Variants in LECT2 observed in about 807,000 individuals in gnomAD.
The protein encoded by LECT2 is leukocyte cell derived chemotaxin 2.
A neutral mutation model predicts 16.6 loss-of-function variants in LECT2; 11 were observed. That is an observed-to-expected ratio of 0.66 (90% CI 0.42 to 1.09). The LOEUF (loss-of-function observed/expected upper bound fraction) is 1.09, where lower values mean the gene tolerates loss of function less well. Ranked by LOEUF, LECT2 falls within the 50% of genes least tolerant of loss-of-function variation. LECT2 has a pLI of 0.00. For synonymous variants in LECT2, 54 were observed against 64.8 expected, an observed-to-expected ratio of 0.83 and a Z score of 0.80; for missense variants, 173 against 184.2, an observed-to-expected ratio of 0.94 and a Z score of 0.35.
intron 2 of LECT2, 24 bp from the exon 3 acceptor site, chr5:135,951,392 A>T (rs1320133258): frequency 1.2e-6 from 2 of 1,607,360 alleles, no homozygotes; most frequent in Non-Finnish European, 1.7e-6. Context: ...AAGAACGAAC[A>T]GACTGAGGAA....
chr5:135,949,565 A>G (rs2126875857), intron 3 of LECT2, among the ~76,000 whole-genome samples: 1 of 152,320 alleles, frequency 6.6e-6, no homozygotes, highest in African/African-American at 2.4e-5. Flanking sequence ...TGAAGAGCCT[A>G]ATTATTTCTT....
At chr5:135,951,985 G>A (rs1228725671) in intron 2 of LECT2, among the ~76,000 whole-genome samples, 1 of 152,140 alleles carries the variant, frequency 6.6e-6, no homozygotes, top group East Asian at 1.9e-4. Flanking sequence ...GCTCTCACCA[G>A]CCTCCCCTAC....
In LECT2 at chr5:135,952,369, T is replaced by A. The variant is rs78663866; in HGVS notation, c.143+502A>T. 8.3e-3 allele frequency among the ~76,000 whole-genome samples: 1,268 copies of A among 152,244 alleles called. 15 individuals are homozygous for A. Among genetic ancestry groups the A allele is most frequent in the African/African-American group, 0.028 (1,147 of 41,540 alleles). On this transcript the variant is annotated intron_variant, in intron 2 of 3. Coordinates refer to ENST00000274507, the MANE Select transcript of LECT2 (RefSeq NM_002302.3). ...GACCCTCATTTTCTGGAAGAGATAGTGGTGCTTTCTCTCCTGCTTAGGGCC... is the reference window on the plus strand; with the variant it reads ...GACCCTCATTTTCTGGAAGAGATAGAGGTGCTTTCTCTCCTGCTTAGGGCC...
At position 135,954,885 on chromosome 5, in the gene LECT2, CTCTT is replaced by C. The variant is rs1357265748; in HGVS notation, c.-56_-53del. ...CTCTGATTAGAGTTGCCCCCACACT[CTCTT>C]TGAAGAATATTCAAGTTTGAATGAA... On this transcript the variant is annotated 5_prime_UTR_variant, in exon 1 of 4. Transcript: ENST00000274507. 7.7e-7 allele frequency: 1 copy of C among 1,299,856 alleles called. No individual in the cohort carries two copies. The highest frequency in any genetic ancestry group is 2.3e-5 in the East Asian group (1 of 43,366). The allele number at this position is 1,299,856 out of a possible 1,614,324, so 80.5% of individuals were successfully genotyped here.
rs151159380 is a variant in LECT2 at position 135,952,810 on chromosome 5, G to A, written c.143+61C>T. 2,053 of 1,231,836 alleles carry A rather than the reference G, an allele frequency of 1.7e-3. 33 individuals are homozygous for A. The African/African-American group carries it at 0.027, about 16-fold the overall frequency. 76.3% of individuals were successfully genotyped at this position (1,231,836 alleles called of 1,614,324 possible). On this transcript the variant is annotated intron_variant, in intron 2 of 3. Transcript: ENST00000274507. ...CCTTGAGGCAACCAACGTTGGGCAA[G>A]GACACTAAGAAAAGAGGTTAGGGAC...
At position 135,954,973 on chromosome 5, in the gene LECT2, C is replaced by T. The variant is rs1763841111; in HGVS notation, c.-140G>A. 3.1e-6 allele frequency: 2 copies of T among 644,506 alleles called. No individual in the cohort carries two copies. The highest frequency in any genetic ancestry group is 4.4e-5 in the South Asian group (2 of 45,886). 39.9% of individuals were successfully genotyped at this position (644,506 alleles called of 1,614,324 possible). On this transcript the variant is annotated 5_prime_UTR_variant, in exon 1 of 4. In the 5' UTR this introduces an upstream ATG that the reference lacks. Coordinates refer to ENST00000274507, the MANE Select transcript of LECT2 (RefSeq NM_002302.3). ...TCTCTCATTTCTTTAGTGTGAGACA[C>T]AAAAAGTTTAAGAGGATGGAGCAAG... is the stretch of plus-strand genomic sequence containing the variant.
rs757333124 is a variant in LECT2, at chr5:135,947,480, A to G, written c.307T>C (p.Phe103Leu). ...ISGRGFCVKM[F>L]YIKPIKYKGP... ...TTATACTTAATTGGCTTAATGTAGA[A>G]CATTTTGACACAAAAACCTAAAAGA... Residue 103 changes from phenylalanine to leucine, a missense_variant, in exon 4 of 4, where the codon TTC (phenylalanine) becomes CTC (leucine). Coordinates refer to ENST00000274507, the MANE Select transcript of LECT2 (RefSeq NM_002302.3). 1 of 1,606,714 alleles carries G rather than the reference A, an allele frequency of 6.2e-7. No homozygotes were observed. Among genetic ancestry groups the G allele is most frequent in the Non-Finnish European group, 8.5e-7 (1 of 1,176,232 alleles).
At chr5:135,953,514 A>G (rs1450085663) in intron 1 of LECT2, among the ~76,000 whole-genome samples, 6 of 152,162 alleles carry the variant, frequency 3.9e-5, no homozygotes, top group Non-Finnish European at 7.4e-5. Flanking sequence ...GTGTTTCTTT[A>G]TAAGCATTGG....
At chr5:135,953,164 C>A in intron 1 of LECT2, 197 bp from the exon 2 acceptor site, 3 of 547,812 alleles carry the variant, frequency 5.5e-6, no homozygotes, top group South Asian at 2.3e-5. Context: ...TTTCCCTGGC[C>A]ACAGAATTCT....
intron 2 of LECT2, 65 bp downstream of exon 2, chr5:135,952,806 G>A (rs1763813409): frequency 8.5e-7 from 1 of 1,180,248 alleles, no homozygotes; most frequent in Non-Finnish European, 1.3e-6. Flanking sequence ...CCAACGTTGG[G>A]CAAGGACACT....
At chr5:135,953,162 G>C in intron 1 of LECT2, 195 bp from the exon 2 acceptor site, 1 of 550,146 alleles carries the variant, frequency 1.8e-6, no homozygotes, top group Non-Finnish European at 3.2e-6. Flanking sequence ...TTTTTCCCTG[G>C]CCACAGAATT....
chr5:135,950,860 A>C (rs1270273531), intron 3 of LECT2: 2 of 317,040 alleles, frequency 6.3e-6, no homozygotes, highest in Admixed American at 9.1e-5. Flanking sequence ...AAGTGTGTGC[A>C]TGAAGCAGAA....
chr5:135,947,552 A>C (rs1215681276), intron 3 of LECT2, 55 bp from the exon 4 acceptor site: 2 of 1,425,130 alleles, frequency 1.4e-6, no homozygotes, highest in East Asian at 2.4e-5. Context: ...TTGAATCTGA[A>C]ATTAAAAAAA....
intron 1 of LECT2, among the ~76,000 whole-genome samples, chr5:135,954,380 T>G (rs1763832656): frequency 6.6e-6 from 1 of 152,238 alleles, no homozygotes; most frequent in African/African-American, 2.4e-5. Context: ...TTTTCCTCCT[T>G]CGGTGAGTAT....
chr5:135,951,969 A>G (rs1227303507), intron 2 of LECT2, among the ~76,000 whole-genome samples: 2 of 152,132 alleles, frequency 1.3e-5, no homozygotes, highest in South Asian at 4.1e-4. Context: ...TGCTGTCACT[A>G]TGCCTGCTCT....
chr5:135,949,105 T>A (rs31523), intron 3 of LECT2, among the ~76,000 whole-genome samples: 5 of 152,158 alleles, frequency 3.3e-5, no homozygotes, highest in African/African-American at 7.2e-5. Flanking sequence ...ACCTCTACAC[T>A]GAAAACTACA....
intron 3 of LECT2, among the ~76,000 whole-genome samples, chr5:135,948,011 G>T (rs571520986): frequency 6.6e-6 from 1 of 152,194 alleles, no homozygotes; most frequent in Admixed American, 6.5e-5. Flanking sequence ...CCATTGGGTT[G>T]AAAAGCAAAC....
chr5:135,949,550 ATC>A (rs1467785682), intron 3 of LECT2, among the ~76,000 whole-genome samples: 1 of 152,216 alleles, frequency 6.6e-6, no homozygotes, highest in Non-Finnish European at 1.5e-5. Context: ...GTGTCCAGTA[ATC>A]TCTGAAGAGC....
In LECT2 at chr5:135,950,945, G is replaced by A. The variant is rs922683204; in HGVS notation, c.289+278C>T. ...AGGATCAGAAAAAAATATCTATCGG[G>A]TACTATGCTTATTACCTGGGTGACA... On this transcript the variant is annotated intron_variant, in intron 3 of 3. Transcript: ENST00000274507. 4 of 495,824 alleles carry A rather than the reference G, an allele frequency of 8.1e-6. No individual in the cohort carries two copies. In the Admixed American group the frequency reaches 1.0e-4, roughly 13 times the overall value. 30.7% of individuals were successfully genotyped at this position (495,824 alleles called of 1,614,324 possible).
Sources: gnomAD v4.1 joint callset for allele counts (sites outside exome capture counted in the v4.1 genomes callset) on GRCh38, gnomAD v4.1.1 for gene constraint, MANE v1.5 for transcripts, NCBI Gene and HGNC (gene_info 2026-07-23, HGNC 2026-07-21) for gene names.